Variants in RPS6KC1 observed in about 807,000 individuals in gnomAD.
The protein encoded by RPS6KC1 is ribosomal protein S6 kinase C1, also known as inactive ribosomal protein S6 kinase delta-1.
Under a neutral mutation model 103.8 loss-of-function variants are expected in RPS6KC1, and 54 were observed. The observed-to-expected ratio is 0.52, with a 90% confidence interval of 0.42 to 0.65. The LOEUF (loss-of-function observed/expected upper bound fraction) is 0.65. Among genes scored for constraint, RPS6KC1 ranks in the 30% least tolerant of loss-of-function variants. The pLI is 0.00. For missense variants in RPS6KC1, 1,151 were observed against 1,253.8 expected (o/e 0.92, Z 1.24); for synonymous variants, 439 against 438.7 (o/e 1.00, Z -0.01).
At chr1:213,858,389 T>A in the RPS6KC1 span, among the ~76,000 whole-genome samples, 1 of 152,074 alleles carries the variant, frequency 6.6e-6, no homozygotes, top group Non-Finnish European at 1.5e-5. Context: ...CTAAGGACCA[T>A]GATGTGTTTT....
chr1:213,281,278 ACT>A, the RPS6KC1 span, among the ~76,000 whole-genome samples: 1 of 152,212 alleles, frequency 6.6e-6, no homozygotes, highest in African/African-American at 2.4e-5. Flanking sequence ...GCTCCGAGTA[ACT>A]CTTCATAAAC....
the RPS6KC1 span, among the ~76,000 whole-genome samples, chr1:213,397,078 C>A: frequency 6.6e-6 from 1 of 152,124 alleles, no homozygotes; most frequent in East Asian, 1.9e-4. Context: ...GAAAGATCTA[C>A]TAAAAGTGCC....
At chr1:213,313,660 G>A in the RPS6KC1 span, among the ~76,000 whole-genome samples, 1 of 152,154 alleles carries the variant, frequency 6.6e-6, no homozygotes, top group Admixed American at 6.5e-5. Context: ...CACAAACTGG[G>A]TGGCTTAGAA....
the RPS6KC1 span, among the ~76,000 whole-genome samples, chr1:213,513,758 A>G: frequency 1.3e-5 from 2 of 152,238 alleles, no homozygotes; most frequent in Non-Finnish European, 2.9e-5. Context: ...ATATGATCAA[A>G]AGCAACCATC....
At chr1:213,610,994 T>C in the RPS6KC1 span, among the ~76,000 whole-genome samples, 211 of 152,304 alleles carry the variant, frequency 1.4e-3, 1 homozygote, top group Middle Eastern at 0.027. Context: ...GTTGCATATA[T>C]GGGGTTACAC....
At chr1:213,121,093 A>T (rs1238363635) in intron 5 of RPS6KC1, among the ~76,000 whole-genome samples, 1 of 152,058 alleles carries the variant, frequency 6.6e-6, no homozygotes, top group Non-Finnish European at 1.5e-5. Flanking sequence ...ATGCCTGGCT[A>T]ATTTTTCTTT....
intron 3 of RPS6KC1, among the ~76,000 whole-genome samples, chr1:213,089,612 C>G (rs2080777107): frequency 6.6e-6 from 1 of 152,158 alleles, no homozygotes; most frequent in African/African-American, 2.4e-5. Flanking sequence ...CAGGCATGTG[C>G]CACCACACCT....
At chr1:213,759,671 C>T in the RPS6KC1 span, among the ~76,000 whole-genome samples, 1 of 152,360 alleles carries the variant, frequency 6.6e-6, no homozygotes, top group Non-Finnish European at 1.5e-5. Flanking sequence ...CCTACTCTGT[C>T]CTGTCTTCTT....
the RPS6KC1 span, among the ~76,000 whole-genome samples, chr1:213,382,765 G>A: frequency 1.3e-5 from 2 of 152,122 alleles, no homozygotes; most frequent in African/African-American, 2.4e-5. Context: ...CATTTTCATC[G>A]CTGTGCTGGA....
chr1:213,087,916 G>T (rs913309679), intron 3 of RPS6KC1, among the ~76,000 whole-genome samples: 1 of 152,136 alleles, frequency 6.6e-6, no homozygotes, highest in African/African-American at 2.4e-5. Flanking sequence ...AGACCTGGTT[G>T]CCCTCCTGGA....
At chr1:213,121,731 G>A (rs926005738) in intron 5 of RPS6KC1, among the ~76,000 whole-genome samples, 8 of 152,100 alleles carry the variant, frequency 5.3e-5, no homozygotes, top group African/African-American at 1.9e-4. Flanking sequence ...GGTAACCTGT[G>A]TCATTTCCTC....
the RPS6KC1 span, among the ~76,000 whole-genome samples, chr1:213,580,712 T>C: frequency 6.6e-6 from 1 of 152,022 alleles, no homozygotes; most frequent in Admixed American, 6.5e-5. Flanking sequence ...AGCAAGACCC[T>C]CTACCAGTGA....
intron 5 of RPS6KC1, among the ~76,000 whole-genome samples, chr1:213,128,693 T>C (rs1001381415): frequency 6.6e-6 from 1 of 152,182 alleles, no homozygotes; most frequent in East Asian, 1.9e-4. Context: ...ATTCAGTTTT[T>C]AAAAAATGCT....
the RPS6KC1 span, among the ~76,000 whole-genome samples, chr1:213,788,516 G>T: frequency 7.2e-4 from 109 of 152,162 alleles, 2 homozygotes; most frequent in East Asian, 0.019. Flanking sequence ...CAAAACCACA[G>T]AAATTCCATT....
At chr1:213,507,866 A>G in the RPS6KC1 span, among the ~76,000 whole-genome samples, 3 of 152,354 alleles carry the variant, frequency 2.0e-5, no homozygotes, top group Non-Finnish European at 4.4e-5. Context: ...GTGTTGCTAC[A>G]ATGCCTGTAA....
the RPS6KC1 span, among the ~76,000 whole-genome samples, chr1:213,700,147 C>G: frequency 6.6e-6 from 1 of 151,816 alleles, no homozygotes; most frequent in East Asian, 1.9e-4. Context: ...CGGAGGGTTT[C>G]TCCATGTTTT....
At chr1:213,451,745 A>G in the RPS6KC1 span, among the ~76,000 whole-genome samples, 1 of 152,214 alleles carries the variant, frequency 6.6e-6, no homozygotes, top group African/African-American at 2.4e-5. Context: ...GCTTTCCTGG[A>G]GTTTCTCTCT....
At chr1:213,510,915 T>C in the RPS6KC1 span, among the ~76,000 whole-genome samples, 1 of 152,148 alleles carries the variant, frequency 6.6e-6, no homozygotes, top group Admixed American at 6.5e-5. Context: ...TAAACACTAA[T>C]TGAGCCAATA....
the RPS6KC1 span, among the ~76,000 whole-genome samples, chr1:213,358,370 A>G: frequency 3.3e-5 from 5 of 152,148 alleles, no homozygotes; most frequent in African/African-American, 1.2e-4. Flanking sequence ...GGGAGGGTGT[A>G]TGTGTCAAGG....
Sources: allele counts gnomAD v4.1 joint callset (sites outside exome capture counted in the v4.1 genomes callset), GRCh38; gene constraint gnomAD v4.1.1; transcripts MANE v1.5; gene names NCBI Gene and HGNC (gene_info 2026-07-23, HGNC 2026-07-21).